The following LRCH4 variants were observed in gnomAD, a reference collection of about 807,000 sequenced individuals.
The protein encoded by LRCH4 is leucine-rich repeat and calponin homology domain-containing protein 4.
Under a neutral mutation model 81.2 loss-of-function variants are expected in LRCH4, and 56 were observed. That is an observed-to-expected ratio of 0.69 (90% CI 0.56 to 0.86). The LOEUF (loss-of-function observed/expected upper bound fraction) is 0.86, where lower values mean the gene tolerates loss of function less well. LRCH4 is among the 40% of genes least tolerant of loss of function. The probability of loss-of-function intolerance (pLI) is 0.00; values close to 1 mark genes in which losing one functional copy is unlikely to be tolerated. For synonymous variants in LRCH4, 442 were observed against 409.7 expected (o/e 1.08, Z -0.95); for missense variants, 895 against 922.8 (o/e 0.97, Z 0.39).
chr7:100,576,325 T>C lies in LRCH4; in HGVS notation c.1553-2A>G. 6.2e-7 allele frequency: 1 copy of C among 1,613,052 alleles called. No individual in the cohort carries two copies. The highest frequency in any genetic ancestry group is 8.5e-7 in the Non-Finnish European group (1 of 1,179,234). On this transcript the variant is annotated splice_acceptor_variant, in intron 14 of 17. Coordinates refer to ENST00000310300, the MANE Select transcript of LRCH4 (RefSeq NM_002319.5). LOFTEE classifies it high-confidence loss of function. Reference sequence around the variant, plus strand: ...GGACAGAGTCTGGTGAGGAAGGGCCTAGGAGAAAAAGGGGGGCATGGGGCT... The same window carrying C: ...GGACAGAGTCTGGTGAGGAAGGGCCCAGGAGAAAAAGGGGGGCATGGGGCT...
At position 100,578,563 on chromosome 7, in the gene LRCH4, G is replaced by C. The variant is rs771830154; in HGVS notation, c.736-52C>G. The stretch of plus-strand genomic sequence containing the variant: ...GAGTTGGCAGGGAGGGCAGCTCCCC[G>C]GATCCTGCTCAGCTATCCAAGGGGA... On this transcript the variant is annotated intron_variant, in intron 5 of 17. Coordinates refer to ENST00000310300, the MANE Select transcript of LRCH4 (RefSeq NM_002319.5). This position sits in a 1 kb window ranked among gnomAD's most constrained non-coding sequence, Gnocchi z 5.7. 1.9e-6 allele frequency: 3 copies of C among 1,601,464 alleles called. No homozygotes were observed. The highest frequency in any genetic ancestry group is 1.1e-5 in the South Asian group (1 of 89,530).
In LRCH4 at chr7:100,577,444, G is replaced by A. The variant is rs887739665; in HGVS notation, c.1178+53C>T. ...AGACCCCGGGGTCAGGGAAGGAGGCGGTTGGGGGGTGGGAGGATCGGGCAG... is the reference window on the plus strand; with the variant it reads ...AGACCCCGGGGTCAGGGAAGGAGGCAGTTGGGGGGTGGGAGGATCGGGCAG... On this transcript the variant is annotated intron_variant, in intron 10 of 17. Coordinates refer to ENST00000310300, the MANE Select transcript of LRCH4 (RefSeq NM_002319.5). The surrounding 1 kb of genome is among the most constrained non-coding windows in gnomAD (Gnocchi z 6.7). 112 of 1,601,944 alleles carry A rather than the reference G, an allele frequency of 7.0e-5. No individual in the cohort carries two copies. The highest frequency in any genetic ancestry group is 8.6e-5 in the Non-Finnish European group (102 of 1,179,734).
At position 100,586,106 on chromosome 7, in the gene LRCH4, C is replaced by G; in HGVS notation, c.-6G>C. 1 of 1,512,884 alleles carries G rather than the reference C, an allele frequency of 6.6e-7. No homozygotes were observed. The highest frequency in any genetic ancestry group is 8.9e-7 in the Non-Finnish European group (1 of 1,126,182). The allele number at this position is 1,512,884 out of a possible 1,614,324, so 93.7% of individuals were successfully genotyped here. A position where few individuals can be genotyped will look rare whatever the true frequency, so the allele number is the denominator to read the frequency against. Reference sequence around the variant, plus strand: ...GCCGCTACGGCCGCCGCCATCCGCTCCCGGCGGCTCCCGCTGCCTGACTGA... The same window carrying G: ...GCCGCTACGGCCGCCGCCATCCGCTGCCGGCGGCTCCCGCTGCCTGACTGA... On this transcript the variant is annotated 5_prime_UTR_variant, in exon 1 of 18. Coordinates refer to ENST00000310300, the MANE Select transcript of LRCH4 (RefSeq NM_002319.5).
Position 100,574,863 on chromosome 7 carries a change from C to CCT in LRCH4, c.*243_*244insAG. The CCT allele has an allele frequency of 2.3e-6, 1 of 443,382 alleles. No homozygotes were observed. The highest frequency in any genetic ancestry group is 3.5e-5 in the East Asian group (1 of 28,622). The allele number at this position is 443,382 out of a possible 1,614,324, so 27.5% of individuals were successfully genotyped here. ...GTACAGAGGGCAGGGGCAGGGCCGG[C>CCT]GGGGACATGAAGGCACCGTCAGCAC... On this transcript the variant is annotated 3_prime_UTR_variant, in exon 18 of 18. Coordinates refer to ENST00000310300, the MANE Select transcript of LRCH4 (RefSeq NM_002319.5).
chr7:100,584,858 G>A (rs1801675803), intron 1 of LRCH4: 2 of 447,206 alleles, frequency 4.5e-6, no homozygotes, highest in Admixed American at 4.8e-5. Flanking sequence ...CAGATGAGAG[G>A]AGGAAGAGGC....
chr7:100,581,754 C>T (rs1801565779), intron 4 of LRCH4, 23 bp downstream of exon 4: 3 of 1,609,910 alleles, frequency 1.9e-6, no homozygotes, highest in Non-Finnish European at 2.6e-6. Flanking sequence ...AACACCTCCT[C>T]TCCAGTTCTT....
In LRCH4 at chr7:100,576,335, A is replaced by AG; in HGVS notation, c.1553-13dup. 1 of 1,605,828 alleles carries AG rather than the reference A, an allele frequency of 6.2e-7. No individual in the cohort carries two copies. On this transcript the variant is annotated splice_polypyrimidine_tract_variant and intron_variant, in intron 14 of 17. Transcript: ENST00000310300. ...TGGTGAGGAAGGGCCTAGGAGAAAA[A>AG]GGGGGGCATGGGGCTGCCTCCACTG... is the stretch of plus-strand genomic sequence containing the variant.
Position 100,582,430 on chromosome 7 carries a change from G to A in LRCH4, c.250C>T (p.Pro84Ser). 6.2e-7 allele frequency: 1 copy of A among 1,612,124 alleles called. No homozygotes were observed. Among genetic ancestry groups the A allele is most frequent in the Non-Finnish European group, 8.5e-7 (1 of 1,179,958 alleles). ...GACACCAGCTGGCACGCCGCCTCGG[G>A]CACCTCGGGAAACCGGTTCCGGGAC... ...DLSRNRFPEV[P>S]EAACQLVSLE... is the part of the protein sequence containing the mutation. Residue 84 changes from proline to serine, a missense_variant, in exon 2 of 18, where the codon CCC becomes TCC. Transcript: ENST00000310300. The surrounding 1 kb of genome is among the most constrained non-coding windows in gnomAD (Gnocchi z 5.0).
At chr7:100,581,044 G>A (rs1170506799) in intron 4 of LRCH4, among the ~76,000 whole-genome samples, 3 of 152,222 alleles carry the variant, frequency 2.0e-5, no homozygotes, top group South Asian at 2.1e-4. Flanking sequence ...CACTGGCCCT[G>A]GCATCTCCGG....
chr7:100,576,338 G>C lies in LRCH4; in HGVS notation c.1553-15C>G. ...TGAGGAAGGGCCTAGGAGAAAAAGG[G>C]GGGCATGGGGCTGCCTCCACTGCTC... On this transcript the variant is annotated splice_polypyrimidine_tract_variant and intron_variant, in intron 14 of 17. Coordinates refer to ENST00000310300, the MANE Select transcript of LRCH4 (RefSeq NM_002319.5). 6.3e-7 allele frequency: 1 copy of C among 1,595,620 alleles called. No homozygotes were observed. The highest frequency in any genetic ancestry group is 8.6e-7 in the Non-Finnish European group (1 of 1,163,634).
intron 14 of LRCH4, 42 bp from the exon 15 acceptor site, chr7:100,576,365 C>T: frequency 7.0e-7 from 1 of 1,425,900 alleles, no homozygotes; most frequent in Non-Finnish European, 9.9e-7. Flanking sequence ...CCACTGCTCA[C>T]CACTGACTCT....
At position 100,576,220 on chromosome 7, in the gene LRCH4, G is replaced by A. The variant is rs371553580; in HGVS notation, c.1638+18C>T. 4.3e-6 allele frequency: 7 copies of A among 1,612,336 alleles called. No individual in the cohort carries two copies. Among genetic ancestry groups the A allele is most frequent in the Non-Finnish European group, 5.9e-6 (7 of 1,178,996 alleles). ...CCCGGCCCAGGCCCCTGCCCACGCA[G>A]CTCCCGCCTCTGCTCACCTGGCGCA... On this transcript the variant is annotated intron_variant, in intron 15 of 17. Coordinates refer to ENST00000310300, the MANE Select transcript of LRCH4 (RefSeq NM_002319.5).
Position 100,583,456 on chromosome 7 carries a change from G to GCCT in LRCH4, c.221-998_221-997insAGG, listed in dbSNP as rs1364708297. Among the ~76,000 whole-genome samples the GCCT allele has an allele frequency of 3.3e-5, 5 of 152,196 alleles. No individual in the cohort carries two copies. On this transcript the variant is annotated intron_variant, in intron 1 of 17. Coordinates refer to ENST00000310300, the MANE Select transcript of LRCH4 (RefSeq NM_002319.5). This position sits in a 1 kb window ranked among gnomAD's most constrained non-coding sequence, Gnocchi z 4.3. ...CCCAGCCTGTCCTGGGAGGGGCCCAGGGCCCGCGAGGCGGAGTCCCAGGCC... is the reference window on the plus strand; with the variant it reads ...CCCAGCCTGTCCTGGGAGGGGCCCAGCCTGGCCCGCGAGGCGGAGTCCCAGGCC...
At position 100,574,632 on chromosome 7, in the gene LRCH4, G is replaced by GCGCGCGCACACACA. The variant is rs200891670; in HGVS notation, c.*474_*475insTGTGTGTGCGCGCG. On this transcript the variant is annotated 3_prime_UTR_variant, in exon 18 of 18. Coordinates refer to ENST00000310300, the MANE Select transcript of LRCH4 (RefSeq NM_002319.5). ...ACGCGGAGCAGACGCGCGCGCGCGC[G>GCGCGCGCACACACA]CACACACACACACACAGGCAGGGCG... The GCGCGCGCACACACA allele has an allele frequency of 6.7e-4, 102 of 152,018 alleles. No individual in the cohort carries two copies. Among genetic ancestry groups the GCGCGCGCACACACA allele is most frequent in the African/African-American group, 2.3e-3 (91 of 40,406 alleles). 9.4% of individuals were successfully genotyped at this position (152,018 alleles called of 1,614,324 possible). A position where few individuals can be genotyped will look rare whatever the true frequency, so the allele number is the denominator to read the frequency against.
At position 100,575,115 on chromosome 7, in the gene LRCH4, C is replaced by T; in HGVS notation, c.2044G>A (p.Gly682Ser). 6.2e-7 allele frequency: 1 copy of T among 1,608,102 alleles called. No individual in the cohort carries two copies. The highest frequency in any genetic ancestry group is 8.5e-7 in the Non-Finnish European group (1 of 1,176,152). ...AGGGCCGATTTTGGGGCCTAGGAAC[C>T]CAGGAGCCGAGTGTAGGTGACATAG... is the stretch of plus-strand genomic sequence containing the variant. ...LLYVTYTRLL[G>S]S is the part of the protein sequence containing the mutation. Residue 682 changes from glycine (G) to serine (S), a missense_variant, in exon 18 of 18, where the codon GGT becomes AGT. Gly to Ser is a moderately conservative substitution (Grantham distance 56). Around this residue, in one of 3 missense-constraint regions of LRCH4, gnomAD observed 529 missense variants for 504.9 expected, o/e 1.05. Coordinates refer to ENST00000310300, the MANE Select transcript of LRCH4 (RefSeq NM_002319.5). This position sits in a 1 kb window ranked among gnomAD's most constrained non-coding sequence, Gnocchi z 5.3.
Position 100,578,907 on chromosome 7 carries a change from G to A in LRCH4, c.599-121C>T, listed in dbSNP as rs978462176. The A allele has an allele frequency of 1.9e-6, 2 of 1,058,136 alleles. No homozygotes were observed. The allele number at this position is 1,058,136 out of a possible 1,614,324, so 65.5% of individuals were successfully genotyped here. On this transcript the variant is annotated intron_variant, in intron 4 of 17. Coordinates refer to ENST00000310300, the MANE Select transcript of LRCH4 (RefSeq NM_002319.5). This position sits in a 1 kb window ranked among gnomAD's most constrained non-coding sequence, Gnocchi z 5.7. ...TGGGCCCAGCACAGCCTCTCCCCTG[G>A]GTGGCTCAAGTCATTCCCCGGGAGA...
chr7:100,576,747 G>C lies in LRCH4; in HGVS notation c.1499C>G (p.Ser500Cys), dbSNP rs776533200. 6.3e-7 allele frequency: 1 copy of C among 1,598,100 alleles called. No homozygotes were observed. Among genetic ancestry groups the C allele is most frequent in the Non-Finnish European group, 8.5e-7 (1 of 1,172,242 alleles). The change falls in exon 14 of 18, where the codon TCC becomes TGC. Residue 500 changes from serine (S) to cysteine (C), a missense_variant. This residue lies in a region of LRCH4 where 529 missense variants were observed against 504.9 expected (regional missense o/e 1.05). Coordinates refer to ENST00000310300, the MANE Select transcript of LRCH4 (RefSeq NM_002319.5). ...GAGGAAGCTGTTTGGTCTCTGAATG[G>C]AGCCAAGTGGCCGTGGAGCAGGTGC... ...ATAPAPRPLG[S>C]IQRPNSFLFR...
At position 100,577,829 on chromosome 7, in the gene LRCH4, ATCC is replaced by A; in HGVS notation, c.1029_1031del (p.Glu343del). Reference sequence around the variant, plus strand: ...GCCAGCCCTGCTACTCACCTGAGCCATCCTCCTTGCGTTCTCTGGGTCCCCGGG... The same window carrying A: ...GCCAGCCCTGCTACTCACCTGAGCCATCCTTGCGTTCTCTGGGTCCCCGGG... On this transcript the variant is annotated inframe_deletion, in exon 8 of 18. Coordinates refer to ENST00000310300, the MANE Select transcript of LRCH4 (RefSeq NM_002319.5). The surrounding 1 kb of genome is among the most constrained non-coding windows in gnomAD (Gnocchi z 6.7). 1 of 1,612,936 alleles carries A rather than the reference ATCC, an allele frequency of 6.2e-7. No homozygotes were observed. Among genetic ancestry groups the A allele is most frequent in the Non-Finnish European group, 8.5e-7 (1 of 1,179,066 alleles).
chr7:100,575,584 C>A lies in LRCH4; in HGVS notation c.1854+121G>T, dbSNP rs992927913. ...AGGGCAGGGGGCATGCTGGGCAGGG[C>A]AGGGGCAGCCTGTGCCTTCATCTGA... On this transcript the variant is annotated intron_variant, in intron 17 of 17. Transcript: ENST00000310300. The surrounding 1 kb of genome is among the most constrained non-coding windows in gnomAD (Gnocchi z 5.3). The A allele has an allele frequency of 4.1e-6, 5 of 1,228,568 alleles. No individual in the cohort carries two copies. The highest frequency in any genetic ancestry group is 6.0e-6 in the Non-Finnish European group (5 of 831,938). 76.1% of individuals were successfully genotyped at this position (1,228,568 alleles called of 1,614,324 possible). A position where few individuals can be genotyped will look rare whatever the true frequency, so the allele number is the denominator to read the frequency against.
Sources: allele counts gnomAD v4.1 joint callset (sites outside exome capture counted in the v4.1 genomes callset), GRCh38; gene constraint gnomAD v4.1.1; regional missense constraint gnomAD v4.1.1; non-coding constraint Gnocchi (gnomAD v3.1); transcripts MANE v1.5; gene names NCBI Gene and HGNC (gene_info 2026-07-23, HGNC 2026-07-21).